Variants in SSTR5 observed in about 807,000 individuals in gnomAD.
SSTR5 encodes the protein somatostatin receptor 5.
A neutral mutation model predicts 0.3 loss-of-function variants in SSTR5; 1 was observed. The observed-to-expected ratio is 2.98, with a 90% CI of 1.06 to 14.15. The LOEUF (loss-of-function observed/expected upper bound fraction) is 14.15. Among genes scored for constraint, SSTR5 ranks in the 30% most tolerant of loss-of-function variants. The pLI, the probability that SSTR5 is intolerant of heterozygous loss-of-function variation, is 0.12. For missense variants in SSTR5, 516 were observed against 543.2 expected (o/e 0.95, Z 0.50); for synonymous variants, 256 against 263.1 (o/e 0.97, Z 0.26).
chr16:1,075,104 C>A (rs555180043), intron 1 of SSTR5, among the ~76,000 whole-genome samples: 1 of 152,198 alleles, frequency 6.6e-6, no homozygotes, highest in African/African-American at 2.4e-5. Context: ...GACAATTCCC[C>A]GTGAGTGCGT....
At chr16:1,074,550 G>A (rs1288720712) in intron 1 of SSTR5, among the ~76,000 whole-genome samples, 1 of 152,236 alleles carries the variant, frequency 6.6e-6, no homozygotes, top group Non-Finnish European at 1.5e-5. Flanking sequence ...CCTTCTCCGA[G>A]GAGCCCAGCG....
In SSTR5 at chr16:1,079,892, C is replaced by A. The variant is rs762354059; in HGVS notation, c.1024C>A (p.Gln342Lys). ...GGAGCCGCGTCCAGACAGGATCCGG[C>A]AGCAGCAGGAGGCCACGCCACCCGC... ...ATEPRPDRIR[Q>K]QQEATPPAHR... is the part of the protein sequence containing the mutation. Residue 342 changes from glutamine to lysine, a missense_variant, in exon 2 of 2, where the codon CAG (glutamine) becomes AAG (lysine). Gln to Lys is a moderately conservative substitution (Grantham distance 53). Coordinates refer to ENST00000689027, the MANE Select transcript of SSTR5 (RefSeq NM_001172560.3). 24 of 1,608,898 alleles carry A rather than the reference C, an allele frequency of 1.5e-5. No homozygotes were observed. Among genetic ancestry groups the A allele is most frequent in the Non-Finnish European group, 2.0e-5 (24 of 1,178,476 alleles).
chr16:1,078,895 G>A lies in SSTR5; in HGVS notation c.27G>A (p.Thr9=), dbSNP rs4988479. 15,221 of 1,606,246 alleles carry A rather than the reference G, an allele frequency of 9.5e-3. 252 individuals carry two copies. The highest frequency in any genetic ancestry group is 0.058 in the South Asian group (5,234 of 90,800). The change falls in exon 2 of 2, where the codon ACG becomes ACA. Residue 9 remains threonine (T), a synonymous_variant. Coordinates refer to ENST00000689027, the MANE Select transcript of SSTR5 (RefSeq NM_001172560.3). MEPLFPAS[T]PSWNASSPGA... is the part of the protein sequence containing the mutation. ...TGGAGCCCCTGTTCCCAGCCTCCAC[G>A]CCCAGCTGGAACGCCTCCTCCCCGG...
chr16:1,079,681 C>T lies in SSTR5; in HGVS notation c.813C>T (p.Asn271=), dbSNP rs1960317189. Residue 271 remains asparagine, a synonymous_variant, in exon 2 of 2, where the codon AAC becomes AAT. Transcript: ENST00000689027. The stretch of plus-strand genomic sequence containing the variant: ...CCTTCTTCACCGTCAACATCGTCAA[C>T]CTGGCCGTGGCGCTGCCCCAGGAGC... ...WLPFFTVNIV[N]LAVALPQEPA... 1 of 1,612,470 alleles carries T rather than the reference C, an allele frequency of 6.2e-7. No individual in the cohort carries two copies. Among genetic ancestry groups the T allele is most frequent in the Admixed American group, 1.7e-5 (1 of 60,002 alleles).
rs887517744 is a variant in SSTR5, at chr16:1,081,441, G to A, written c.*1478G>A. Among the ~76,000 whole-genome samples, 2 of 152,158 alleles carry A rather than the reference G, an allele frequency of 1.3e-5. No individual in the cohort carries two copies. Among genetic ancestry groups the A allele is most frequent in the Non-Finnish European group, 2.9e-5 (2 of 68,026 alleles). Reference sequence around the variant, plus strand: ...GACAACTGCTCCCCTGAATAAATGCGAGGATAAATGTTTGATTCTTTCCCC... The same window carrying A: ...GACAACTGCTCCCCTGAATAAATGCAAGGATAAATGTTTGATTCTTTCCCC... On this transcript the variant is annotated 3_prime_UTR_variant, in exon 2 of 2. Transcript: ENST00000689027.
Position 1,078,279 on chromosome 16 carries a change from G to A in SSTR5, c.-27-563G>A, listed in dbSNP as rs113835000. The A allele has an allele frequency of 8.3e-3, 1,308 of 157,338 alleles. 23 individuals carry two copies. The highest frequency in any genetic ancestry group is 0.03 in the African/African-American group (1,243 of 41,566). 9.7% of individuals were successfully genotyped at this position (157,338 alleles called of 1,614,324 possible). The stretch of plus-strand genomic sequence containing the variant: ...GGGGCCAACGGGCAGCGGGCACCCC[G>A]GTGAAAGTCCCTCGAGGCTGCGGTG... On this transcript the variant is annotated intron_variant, in intron 1 of 1. Coordinates refer to ENST00000689027, the MANE Select transcript of SSTR5 (RefSeq NM_001172560.3).
rs1567386980 is a variant in SSTR5, at chr16:1,079,647, GT to G, written c.781del (p.Trp261GlyfsTer130). On this transcript the variant is annotated frameshift_variant, in exon 2 of 2. Coordinates refer to ENST00000689027, the MANE Select transcript of SSTR5 (RefSeq NM_001172560.3). LOFTEE classifies it low-confidence loss of function (END_TRUNC). Reference sequence around the variant, plus strand: ...GTGGTGGTGCTGGTGTTTGCGGGATGTTGGCTGCCCTTCTTCACCGTCAACA... The same window carrying G: ...GTGGTGGTGCTGGTGTTTGCGGGATGTGGCTGCCCTTCTTCACCGTCAACA... Reference protein sequence around the residue: ...VLVVVLVFAGCWLPFFTVNIV... With the variant: ...VLVVVLVFAGXWLPFFTVNIV... The G allele has an allele frequency of 6.2e-7, 1 of 1,612,362 alleles. No individual in the cohort carries two copies. Among genetic ancestry groups the G allele is most frequent in the Non-Finnish European group, 8.5e-7 (1 of 1,179,446 alleles).
In SSTR5 at chr16:1,080,287, G is replaced by A. The variant is rs34051628; in HGVS notation, c.*324G>A. ...CCAGCCCATGCCGGCCTTCCCTCTGGGGAGCGACTTTTCCAGAAGGCCGGC... is the reference window on the plus strand; with the variant it reads ...CCAGCCCATGCCGGCCTTCCCTCTGAGGAGCGACTTTTCCAGAAGGCCGGC... On this transcript the variant is annotated 3_prime_UTR_variant, in exon 2 of 2. Coordinates refer to ENST00000689027, the MANE Select transcript of SSTR5 (RefSeq NM_001172560.3). 6,710 of 369,630 alleles carry A rather than the reference G, an allele frequency of 0.018. 90 individuals are homozygous for A. Among genetic ancestry groups the A allele is most frequent in the Middle Eastern group, 0.026 (36 of 1,380 alleles). 22.9% of individuals were successfully genotyped at this position (369,630 alleles called of 1,614,324 possible). A position where few individuals can be genotyped will look rare whatever the true frequency, so the allele number is the denominator to read the frequency against.
At chr16:1,077,242 G>T (rs1192871527) in intron 1 of SSTR5, among the ~76,000 whole-genome samples, 1 of 152,176 alleles carries the variant, frequency 6.6e-6, no homozygotes, top group African/African-American at 2.4e-5. Flanking sequence ...GCTCCAGACG[G>T]CACATGCTGA....
chr16:1,079,408 G>A lies in SSTR5; in HGVS notation c.540G>A (p.Val180=), dbSNP rs372226073. 5.6e-6 allele frequency: 9 copies of A among 1,597,118 alleles called. No individual in the cohort carries two copies. In the African/African-American group the frequency reaches 1.2e-4, roughly 21 times the overall value. Residue 180 remains valine (V), a synonymous_variant, in exon 2 of 2, where the codon GTG becomes GTA. Transcript: ENST00000689027. ...MSLPLLVFAD[V]QEGGTCNASW... ...TGCCGCTCCTGGTGTTCGCGGACGT[G>A]CAGGAGGGCGGTACCTGCAACGCCA...
At position 1,079,687 on chromosome 16, in the gene SSTR5, C is replaced by A; in HGVS notation, c.819C>A (p.Ala273=). 1.9e-6 allele frequency: 3 copies of A among 1,612,428 alleles called. No individual in the cohort carries two copies. Among genetic ancestry groups the A allele is most frequent in the Non-Finnish European group, 2.5e-6 (3 of 1,179,882 alleles). ...TCACCGTCAACATCGTCAACCTGGC[C>A]GTGGCGCTGCCCCAGGAGCCCGCCT... ...PFFTVNIVNL[A]VALPQEPASA... is the part of the protein sequence containing the mutation. The change falls in exon 2 of 2, where the codon GCC becomes GCA. Residue 273 remains alanine (A), a synonymous_variant. Transcript: ENST00000689027.
Position 1,079,455 on chromosome 16 carries a change from T to G in SSTR5, c.587T>G (p.Leu196Arg), listed in dbSNP as rs768400943. The G allele has an allele frequency of 1.9e-6, 3 of 1,608,200 alleles. No individual in the cohort carries two copies. Among genetic ancestry groups the G allele is most frequent in the Non-Finnish European group, 2.5e-6 (3 of 1,177,742 alleles). ...CNASWPEPVG[L>R]WGAVFIIYTA... ...GCCAGCTGGCCGGAGCCCGTGGGGC[T>G]GTGGGGCGCCGTCTTCATCATCTAC... The change falls in exon 2 of 2, where the codon CTG (leucine) becomes CGG (arginine). Residue 196 changes from leucine (L) to arginine (R), a missense_variant. Physicochemically the swap from Leu to Arg is moderately radical, Grantham distance 102 (BLOSUM62 -2). Coordinates refer to ENST00000689027, the MANE Select transcript of SSTR5 (RefSeq NM_001172560.3).
rs1168738638 is a variant in SSTR5 at position 1,079,904 on chromosome 16, G to C, written c.1036G>C (p.Ala346Pro). The C allele has an allele frequency of 1.2e-6, 2 of 1,607,678 alleles. No individual in the cohort carries two copies. The highest frequency in any genetic ancestry group is 2.2e-5 in the East Asian group (1 of 44,796). The change falls in exon 2 of 2, where the codon GCC becomes CCC. Residue 346 changes from alanine to proline, a missense_variant. Ala to Pro is a conservative substitution (Grantham distance 27). Coordinates refer to ENST00000689027, the MANE Select transcript of SSTR5 (RefSeq NM_001172560.3). Reference protein sequence around the residue: ...RPDRIRQQQEATPPAHRAAAN... With the variant: ...RPDRIRQQQEPTPPAHRAAAN... Reference sequence around the variant, plus strand: ...AGACAGGATCCGGCAGCAGCAGGAGGCCACGCCACCCGCGCACCGCGCCGC... The same window carrying C: ...AGACAGGATCCGGCAGCAGCAGGAGCCCACGCCACCCGCGCACCGCGCCGC...
At position 1,079,161 on chromosome 16, in the gene SSTR5, C is replaced by G; in HGVS notation, c.293C>G (p.Thr98Arg). ...LYMLGLPFLATQNAASFWPFG... is the reference protein window; with the variant it reads ...LYMLGLPFLARQNAASFWPFG... ...ATGCTGGGGCTGCCTTTCCTGGCCA[C>G]GCAGAACGCCGCGTCCTTCTGGCCC... Residue 98 changes from threonine (T) to arginine (R), a missense_variant, in exon 2 of 2, where the codon ACG (threonine) becomes AGG (arginine). Transcript: ENST00000689027. 6.2e-7 allele frequency: 1 copy of G among 1,612,632 alleles called. No homozygotes were observed. The highest frequency in any genetic ancestry group is 8.5e-7 in the Non-Finnish European group (1 of 1,179,952).
chr16:1,077,880 CCT>C (rs553238777), intron 1 of SSTR5: 10 of 152,502 alleles, frequency 6.6e-5, no homozygotes, highest in African/African-American at 2.4e-4. Context: ...CCAAGTCTCC[CCT>C]GTTCTCTCTC....
intron 1 of SSTR5, among the ~76,000 whole-genome samples, chr16:1,075,121 A>G (rs1025453187): frequency 6.6e-6 from 1 of 152,182 alleles, no homozygotes; most frequent in African/African-American, 2.4e-5. Flanking sequence ...GCGTAATTTT[A>G]TGATTCAGAG....
chr16:1,080,885 A>G lies in SSTR5; in HGVS notation c.*922A>G, dbSNP rs1960361207. ...GGTCAGGGCTTGGAGAGGACAGGGA[A>G]CCTGCGGCCGTCTCTTCTGCTTTGG... On this transcript the variant is annotated 3_prime_UTR_variant, in exon 2 of 2. Transcript: ENST00000689027. 5.3e-6 allele frequency: 2 copies of G among 379,588 alleles called. No individual in the cohort carries two copies. The highest frequency in any genetic ancestry group is 6.8e-5 in the Admixed American group (2 of 29,278). 23.5% of individuals were successfully genotyped at this position (379,588 alleles called of 1,614,324 possible).
rs529360358 is a variant in SSTR5, at chr16:1,078,810, C to T, written c.-27-32C>T. ...CTGCATGTGCTGGTTCAGGGACTCA[C>T]CACCCTGGCGTCCTCCCTTCTTCTC... is the stretch of plus-strand genomic sequence containing the variant. On this transcript the variant is annotated intron_variant, in intron 1 of 1. Coordinates refer to ENST00000689027, the MANE Select transcript of SSTR5 (RefSeq NM_001172560.3). 168 of 1,580,414 alleles carry T rather than the reference C, an allele frequency of 1.1e-4. No individual in the cohort carries two copies. In the African/African-American group the frequency reaches 2.0e-3, roughly 19 times the overall value.
intron 1 of SSTR5, among the ~76,000 whole-genome samples, chr16:1,075,700 G>C (rs1459569786): frequency 6.6e-6 from 1 of 151,698 alleles, no homozygotes; most frequent in African/African-American, 2.4e-5. Context: ...CACCCACCTG[G>C]ACTCCCACGC....
Sources: allele counts gnomAD v4.1 joint callset (sites outside exome capture counted in the v4.1 genomes callset), GRCh38; gene constraint gnomAD v4.1.1; transcripts MANE v1.5; gene names NCBI Gene and HGNC (gene_info 2026-07-23, HGNC 2026-07-21).